HELZ: variants seen among roughly 807,000 people sequenced by gnomAD.
HELZ encodes the protein helicase with zinc finger.
HELZ carries 23 observed loss-of-function variants against 218.2 expected under a neutral mutation model. The observed-to-expected ratio is 0.11, with a 90% CI of 0.08 to 0.15. HELZ has a LOEUF of 0.15. Ranked by LOEUF, HELZ falls within the 10% of genes least tolerant of loss-of-function variation. The probability of loss-of-function intolerance (pLI) is 1.00; values close to 1 mark genes in which losing one functional copy is unlikely to be tolerated. For synonymous variants in HELZ, 814 were observed against 829.4 expected, an observed-to-expected ratio of 0.98 and a Z score of 0.32; for missense variants, 1,813 against 2,353.7, an observed-to-expected ratio of 0.77 and a Z score of 4.75.
At position 67,168,598 on chromosome 17, in the gene HELZ, T is replaced by C. The variant is rs1388305199; in HGVS notation, c.1431-802A>G. On this transcript the variant is annotated intron_variant, in intron 13 of 32. Coordinates refer to ENST00000358691, the MANE Select transcript of HELZ (RefSeq NM_014877.4). ...AGCCATAAAATATCTCTTTCAATAA[T>C]GTTAATGAATAACATTTAAAATAAA... 7.2e-5 allele frequency among the ~76,000 whole-genome samples: 11 copies of C among 152,212 alleles called. No homozygotes were observed. The East Asian group carries it at 1.5e-3, about 21-fold the overall frequency.
At chr17:67,148,366 A>C (rs1376801355) in intron 20 of HELZ, among the ~76,000 whole-genome samples, 1 of 152,192 alleles carries the variant, frequency 6.6e-6, no homozygotes, top group East Asian at 1.9e-4. Flanking sequence ...GTTTTTCCCA[A>C]AATAGCCCTA....
chr17:67,131,216 T>C (rs190608449), intron 23 of HELZ, among the ~76,000 whole-genome samples: 1 of 152,330 alleles, frequency 6.6e-6, no homozygotes, highest in Admixed American at 6.5e-5. Context: ...ATCAATTTCT[T>C]ATTACATTTT....
At chr17:67,221,586 C>A (rs937915995) in intron 3 of HELZ, among the ~76,000 whole-genome samples, 1 of 152,202 alleles carries the variant, frequency 6.6e-6, no homozygotes, top group African/African-American at 2.4e-5. Flanking sequence ...ACCAGCTGCA[C>A]CACTCTCCAG....
At chr17:67,244,951 A>C in intron 1 of HELZ, 197 bp downstream of exon 1, 1 of 985,718 alleles carries the variant, frequency 1.0e-6, no homozygotes, top group South Asian at 4.7e-5. Flanking sequence ...AGCTGTAAAC[A>C]GCCCCAGCGT....
intron 5 of HELZ, among the ~76,000 whole-genome samples, chr17:67,215,278 TA>T (rs2040567000): frequency 6.6e-6 from 1 of 152,024 alleles, no homozygotes; most frequent in African/African-American, 2.4e-5. Context: ...TTTATCTAGC[TA>T]AGCTTAACAT....
intron 6 of HELZ, 39 bp downstream of exon 6, chr17:67,203,280 T>C: frequency 1.3e-6 from 2 of 1,598,694 alleles, no homozygotes; most frequent in Non-Finnish European, 1.7e-6. Flanking sequence ...AAATAAAAAT[T>C]TGTTTTCAGG....
intron 20 of HELZ, among the ~76,000 whole-genome samples, chr17:67,148,180 G>A (rs900759732): frequency 6.6e-6 from 1 of 152,148 alleles, no homozygotes; most frequent in African/African-American, 2.4e-5. Context: ...TCAACCTGTG[G>A]GATTGGACAT....
At chr17:67,199,156 C>T (rs1038596894) in intron 7 of HELZ, among the ~76,000 whole-genome samples, 11 of 151,418 alleles carry the variant, frequency 7.3e-5, no homozygotes, top group African/African-American at 1.9e-4. Flanking sequence ...GAAATTAAAA[C>T]GGCTACATAT....
rs1157036935 is a variant in HELZ at position 67,108,730 on chromosome 17, C to G, written c.4490-4G>C. 2 of 1,548,430 alleles carry G rather than the reference C, an allele frequency of 1.3e-6. No homozygotes were observed. The highest frequency in any genetic ancestry group is 2.8e-5 in the African/African-American group (2 of 72,462). On this transcript the variant is annotated splice_polypyrimidine_tract_variant and splice_region_variant and intron_variant, in intron 29 of 32. Transcript: ENST00000358691. The surrounding 1 kb of genome is among the most constrained non-coding windows in gnomAD (Gnocchi z 4.1). ...GCGACACTCCCATGTATACGATCTG[C>G]AAAAATATTTGTGAAAAATTTTTTA...
chr17:67,225,096 A>G, intron 3 of HELZ: 1 of 491,852 alleles, frequency 2.0e-6, no homozygotes, highest in South Asian at 2.0e-5. Flanking sequence ...TTAAAAAATT[A>G]CATATATATA....
chr17:67,245,814 C>T (rs1196354525), upstream of HELZ: 6 of 152,176 alleles, frequency 3.9e-5, no homozygotes, highest in South Asian at 2.1e-4. Context: ...CAACTTTTTA[C>T]CCCTTGTTTA....
At position 67,128,674 on chromosome 17, in the gene HELZ, T is replaced by C. The variant is rs777293020; in HGVS notation, c.3364A>G (p.Lys1122Glu). 6.2e-6 allele frequency: 10 copies of C among 1,614,194 alleles called. No individual in the cohort carries two copies. The highest frequency in any genetic ancestry group is 8.5e-6 in the Non-Finnish European group (10 of 1,180,006). ...LRLQHSGSTN[K>E]QQQSPPKGKS... ...ACCTTGGGTGGTGATTGCTGCTGTT[T>C]GTTGGTACTTCCTGAATGCTGCAGT... The change falls in exon 24 of 33, where the codon AAA (lysine) becomes GAA (glutamate). Residue 1122 changes from lysine to glutamate, a missense_variant. Physicochemically the swap from Lys to Glu is moderately conservative, Grantham distance 56 (BLOSUM62 1). Around this residue, in one of 4 missense-constraint regions of HELZ, gnomAD observed 938 missense variants for 1,027.5 expected, o/e 0.91. Coordinates refer to ENST00000358691, the MANE Select transcript of HELZ (RefSeq NM_014877.4).
rs1437881038 is a variant in HELZ, at chr17:67,188,042, T to A, written c.1162+277A>T. Among the ~76,000 whole-genome samples, 1 of 152,202 alleles carries A rather than the reference T, an allele frequency of 6.6e-6. No individual in the cohort carries two copies. Among genetic ancestry groups the A allele is most frequent in the Non-Finnish European group, 1.5e-5 (1 of 68,026 alleles). ...TTACTGTGCTAAAACCATCTTACTG[T>A]GAAATGAAACTGGTAGACCAAAACA... is the stretch of plus-strand genomic sequence containing the variant. On this transcript the variant is annotated intron_variant, in intron 12 of 32. Coordinates refer to ENST00000358691, the MANE Select transcript of HELZ (RefSeq NM_014877.4). The surrounding 1 kb of genome is among the most constrained non-coding windows in gnomAD (Gnocchi z 4.1).
intron 4 of HELZ, among the ~76,000 whole-genome samples, chr17:67,216,273 A>G (rs760440660): frequency 1.3e-5 from 2 of 152,052 alleles, no homozygotes; most frequent in Non-Finnish European, 2.9e-5. Flanking sequence ...ACGTCTCCCC[A>G]CTTCCCAGCA....
At chr17:67,184,078 A>AT (rs2039685386) in intron 12 of HELZ, among the ~76,000 whole-genome samples, 1 of 152,118 alleles carries the variant, frequency 6.6e-6, no homozygotes, top group African/African-American at 2.4e-5. Flanking sequence ...CTAAAGTAGG[A>AT]TTTTTAGTTC....
intron 28 of HELZ, among the ~76,000 whole-genome samples, chr17:67,114,037 G>A (rs578147765): frequency 2.0e-5 from 3 of 152,282 alleles, no homozygotes; most frequent in African/African-American, 7.2e-5. Context: ...CACTTGTAAT[G>A]ACACACCTGT....
intron 20 of HELZ, among the ~76,000 whole-genome samples, chr17:67,146,975 T>C (rs2038517389): frequency 1.3e-5 from 2 of 152,148 alleles, no homozygotes; most frequent in Admixed American, 1.3e-4. Flanking sequence ...TTGAGATATA[T>C]ACCTTTATAG....
chr17:67,232,083 A>G (rs2041053461), intron 3 of HELZ, among the ~76,000 whole-genome samples: 1 of 150,642 alleles, frequency 6.6e-6, no homozygotes, highest in African/African-American at 2.4e-5. Context: ...AAAGTTTACT[A>G]CAAAAATAAA....
At chr17:67,214,159 G>A (rs537826390) in intron 5 of HELZ, among the ~76,000 whole-genome samples, 1 of 150,504 alleles carries the variant, frequency 6.6e-6, no homozygotes, top group Non-Finnish European at 1.5e-5. Context: ...AATTCTACTA[G>A]ATATCTCTTA....
Sources: allele counts gnomAD v4.1 joint callset (sites outside exome capture counted in the v4.1 genomes callset), GRCh38; gene constraint gnomAD v4.1.1; regional missense constraint gnomAD v4.1.1; non-coding constraint Gnocchi (gnomAD v3.1); transcripts MANE v1.5; gene names NCBI Gene and HGNC (gene_info 2026-07-23, HGNC 2026-07-21).